Variants in GPC5 observed in about 807,000 individuals in gnomAD.
GPC5 encodes glypican-5.
A neutral mutation model predicts 53.9 loss-of-function variants in GPC5; 47 were observed. That is an observed-to-expected ratio of 0.87 (90% CI 0.69 to 1.11). The LOEUF is 1.11. Among genes scored for constraint, GPC5 ranks in the 50% most tolerant of loss-of-function variants. The probability of loss-of-function intolerance (pLI) is 0.00; values close to 1 mark genes in which losing one functional copy is unlikely to be tolerated. For synonymous variants in GPC5, 286 were observed against 263.3 expected (o/e 1.09, Z -0.84); for missense variants, 748 against 713.1 (o/e 1.05, Z -0.56).
chr13:91,639,576 A>G (rs1450753458), intron 2 of GPC5, among the ~76,000 whole-genome samples: 2 of 152,182 alleles, frequency 1.3e-5, no homozygotes, highest in Non-Finnish European at 2.9e-5. Context: ...TAATTGAGTC[A>G]ATTGGCATCC....
intron 7 of GPC5, among the ~76,000 whole-genome samples, chr13:92,443,406 A>T (rs530973809): frequency 6.6e-6 from 1 of 152,332 alleles, no homozygotes; most frequent in African/African-American, 2.4e-5. Flanking sequence ...ACAACATTCT[A>T]TAATTGGTGG....
chr13:92,077,692 G>A (rs72635461), intron 6 of GPC5, among the ~76,000 whole-genome samples: 3,325 of 152,300 alleles, frequency 0.022, 52 homozygotes, highest in Admixed American at 0.035. Flanking sequence ...GCACAGAAGG[G>A]ATGATCTGGC....
intron 7 of GPC5, among the ~76,000 whole-genome samples, chr13:92,703,988 T>C (rs1887856595): frequency 6.6e-6 from 1 of 152,048 alleles, no homozygotes; most frequent in Non-Finnish European, 1.5e-5. Flanking sequence ...AATGTTTCCA[T>C]CATAATTCTG....
chr13:91,568,323 CT>C (rs2031627660), intron 2 of GPC5, among the ~76,000 whole-genome samples: 1 of 152,138 alleles, frequency 6.6e-6, no homozygotes, highest in Admixed American at 6.6e-5. Flanking sequence ...ACTACTGAAT[CT>C]GAATCTATAT....
At chr13:92,385,650 CACATATATATAT>C (rs1241394404) in intron 7 of GPC5, among the ~76,000 whole-genome samples, 13 of 141,166 alleles carry the variant, frequency 9.2e-5, no homozygotes, top group African/African-American at 2.1e-4. Context: ...TACCTATATA[CACATATATATAT>C]ACATATATAC....
intron 6 of GPC5, among the ~76,000 whole-genome samples, chr13:91,960,924 C>T (rs2040120126): frequency 6.6e-6 from 1 of 151,690 alleles, no homozygotes; most frequent in Non-Finnish European, 1.5e-5. Flanking sequence ...AAAGACCTGA[C>T]ACTATAAAAC....
intron 7 of GPC5, among the ~76,000 whole-genome samples, chr13:92,809,347 G>C (rs552980215): frequency 6.6e-6 from 1 of 152,102 alleles, no homozygotes; most frequent in Non-Finnish European, 1.5e-5. Flanking sequence ...TACTGCAATC[G>C]CTGTTCAAAA....
At position 92,554,937 on chromosome 13, in the gene GPC5, G is replaced by GTT. The variant is rs148890213; in HGVS notation, c.1562-311343_1562-311342dup. ...CTTCATAACCTCATGTAAGTTTTGA[G>GTT]TTTGTTTTTTTTTTATTTTTCTCTA... On this transcript the variant is annotated intron_variant, in intron 7 of 7. Transcript: ENST00000377067. Among the ~76,000 whole-genome samples the GTT allele has an allele frequency of 2.3e-3, 344 of 147,114 alleles. 1 individual carries two copies. The highest frequency in any genetic ancestry group is 5.1e-3 in the African/African-American group (205 of 40,202).
chr13:92,086,036 C>T (rs1566428798), intron 6 of GPC5, among the ~76,000 whole-genome samples: 1 of 152,178 alleles, frequency 6.6e-6, no homozygotes, highest in Non-Finnish European at 1.5e-5. Flanking sequence ...TCCATTCCAA[C>T]CTCTGGAATA....
intron 7 of GPC5, among the ~76,000 whole-genome samples, chr13:92,297,292 A>G (rs1049054232): frequency 7.3e-5 from 11 of 150,994 alleles, no homozygotes; most frequent in Admixed American, 4.6e-4. Context: ...TAGCTCAGGG[A>G]TTGTAAATAT....
intron 7 of GPC5, among the ~76,000 whole-genome samples, chr13:92,666,596 G>A (rs1025941651): frequency 1.1e-4 from 17 of 152,058 alleles, no homozygotes; most frequent in South Asian, 4.1e-4. Context: ...AATATACTTT[G>A]TAAGACAGGC....
intron 7 of GPC5, among the ~76,000 whole-genome samples, chr13:92,533,972 C>T (rs1432207267): frequency 2.0e-5 from 3 of 152,078 alleles, no homozygotes; most frequent in Non-Finnish European, 2.9e-5. Flanking sequence ...TCCTCCAATA[C>T]TACTTGGGCG....
chr13:91,846,697 T>C (rs2038852996), intron 5 of GPC5, among the ~76,000 whole-genome samples: 1 of 152,130 alleles, frequency 6.6e-6, no homozygotes, highest in Non-Finnish European at 1.5e-5. Flanking sequence ...GTATTGTCAA[T>C]GGTTATTTCT....
At chr13:91,764,804 T>C (rs342706) in intron 5 of GPC5, among the ~76,000 whole-genome samples, 49,702 of 151,968 alleles carry the variant, frequency 0.33, 8,550 homozygotes, top group African/African-American at 0.43. Context: ...GGGGAGATGA[T>C]GGATCAAAAG....
chr13:92,863,008 T>G (rs1359684860), intron 7 of GPC5, among the ~76,000 whole-genome samples: 3 of 152,186 alleles, frequency 2.0e-5, no homozygotes, highest in African/African-American at 2.4e-5. Context: ...TTCGTCATCA[T>G]TAACTTGCCC....
intron 5 of GPC5, among the ~76,000 whole-genome samples, chr13:91,774,783 A>G (rs551215501): frequency 2.6e-5 from 4 of 152,254 alleles, no homozygotes; most frequent in African/African-American, 7.2e-5. Context: ...CTGTGCTGCA[A>G]TTTGTGTTTC....
chr13:92,358,940 C>T (rs1427659026), intron 7 of GPC5, among the ~76,000 whole-genome samples: 2 of 151,640 alleles, frequency 1.3e-5, no homozygotes, highest in Admixed American at 6.6e-5. Context: ...TAACATTTGG[C>T]TCCTCTTTAC....
intron 7 of GPC5, among the ~76,000 whole-genome samples, chr13:92,294,860 G>A (rs1228408874): frequency 4.2e-5 from 5 of 118,218 alleles, no homozygotes; most frequent in African/African-American, 6.8e-5. Context: ...ATGGAGTTTC[G>A]CTGTTGTTGC....
chr13:91,769,675 G>A lies in GPC5; in HGVS notation c.1280+13255G>A, dbSNP rs780002324. 4.6e-5 allele frequency among the ~76,000 whole-genome samples: 7 copies of A among 152,302 alleles called. No homozygotes were observed. In the South Asian group the frequency reaches 1.5e-3, roughly 32 times the overall value. The stretch of plus-strand genomic sequence containing the variant: ...ATTGTCTGGAATGAGACTGTAGCTT[G>A]GGCAAGTGTCAGGTCAAATAAGCCC... On this transcript the variant is annotated intron_variant, in intron 5 of 7. Transcript: ENST00000377067.
Sources: allele counts gnomAD v4.1 joint callset (sites outside exome capture counted in the v4.1 genomes callset), GRCh38; gene constraint gnomAD v4.1.1; transcripts MANE v1.5; gene names NCBI Gene and HGNC (gene_info 2026-07-23, HGNC 2026-07-21).